The following PRKN variants were observed in gnomAD, a reference collection of about 807,000 sequenced individuals.
PRKN encodes parkin RBR E3 ubiquitin protein ligase.
A neutral mutation model predicts 59.5 loss-of-function variants in PRKN; 56 were observed. That is an observed-to-expected ratio of 0.94 (90% CI 0.76 to 1.18). The LOEUF is 1.18. PRKN is among the 50% of genes most tolerant of loss of function. The pLI, the probability that PRKN is intolerant of heterozygous loss-of-function variation, is 0.00. For synonymous variants in PRKN, 250 were observed against 222.1 expected (o/e 1.13, Z -1.12); for missense variants, 657 against 596.4 (o/e 1.10, Z -1.06).
chr6:162,455,088 A>G (rs1195034993), intron 1 of PRKN, among the ~76,000 whole-genome samples: 1 of 152,194 alleles, frequency 6.6e-6, no homozygotes, highest in Non-Finnish European at 1.5e-5. Context: ...ACCCCTTGGT[A>G]TTGCCAAAGA....
intron 6 of PRKN, among the ~76,000 whole-genome samples, chr6:161,791,245 C>T (rs1277654201): frequency 6.6e-6 from 1 of 152,088 alleles, no homozygotes; most frequent in Non-Finnish European, 1.5e-5. Flanking sequence ...TGATAAAAAG[C>T]GACCCTTTGT....
chr6:161,551,283 G>GGAGGCGCGCTGGC lies in PRKN; in HGVS notation c.934-2293_934-2281dup, dbSNP rs1383055171. ...CCCCAAATGCCAAGGAAGGACCTGG[G>GGAGGCGCGCTGGC]GAGGCGCGCTGGCGACCTGAACGTC... On this transcript the variant is annotated intron_variant, in intron 8 of 11. Transcript: ENST00000366898. The surrounding 1 kb of genome is among the most constrained non-coding windows in gnomAD (Gnocchi z 5.2). Among the ~76,000 whole-genome samples the GGAGGCGCGCTGGC allele has an allele frequency of 6.6e-6, 1 of 152,202 alleles. No individual in the cohort carries two copies. The highest frequency in any genetic ancestry group is 1.5e-5 in the Non-Finnish European group (1 of 68,040).
intron 1 of PRKN, among the ~76,000 whole-genome samples, chr6:162,493,793 C>G (rs1330651692): frequency 6.6e-6 from 1 of 152,186 alleles, no homozygotes; most frequent in Non-Finnish European, 1.5e-5. Context: ...TAACCCCACA[C>G]CATCTCAACG....
chr6:161,473,669 A>G lies in PRKN; in HGVS notation c.1083+75185T>C, dbSNP rs116959048. ...TCTAGAAATGTACTAGAGGACTATAATTATAATATTGTATAATGAAAATTT... is the reference window on the plus strand; with the variant it reads ...TCTAGAAATGTACTAGAGGACTATAGTTATAATATTGTATAATGAAAATTT... On this transcript the variant is annotated intron_variant, in intron 9 of 11. Transcript: ENST00000366898. The surrounding 1 kb of genome is among the most constrained non-coding windows in gnomAD (Gnocchi z 4.1). Among the ~76,000 whole-genome samples, 1,480 of 150,670 alleles carry G rather than the reference A, an allele frequency of 9.8e-3. 20 individuals carry two copies. The highest frequency in any genetic ancestry group is 0.024 in the Middle Eastern group (7 of 292).
chr6:161,479,628 G>C (rs1389321222), intron 9 of PRKN, among the ~76,000 whole-genome samples: 2 of 152,204 alleles, frequency 1.3e-5, no homozygotes, highest in Non-Finnish European at 2.9e-5. Flanking sequence ...GAAGACGACA[G>C]TCAAGGGAAT....
At chr6:161,763,396 T>C (rs116717748) in intron 7 of PRKN, among the ~76,000 whole-genome samples, 1 of 151,388 alleles carries the variant, frequency 6.6e-6, no homozygotes, top group Admixed American at 6.6e-5. Context: ...GACACCCCCA[T>C]CCTTGATAGT....
At chr6:162,021,108 A>C (rs1285347666) in intron 5 of PRKN, among the ~76,000 whole-genome samples, 8 of 92,276 alleles carry the variant, frequency 8.7e-5, no homozygotes, top group Non-Finnish European at 1.8e-4. Context: ...GTCTCAAAAA[A>C]AAAACAAAAA....
chr6:161,796,751 C>A (rs886587823), intron 6 of PRKN, among the ~76,000 whole-genome samples: 1 of 152,052 alleles, frequency 6.6e-6, no homozygotes, highest in Non-Finnish European at 1.5e-5. Context: ...AAGCTCAAGC[C>A]AGATTTAACA....
At chr6:162,501,740 G>T (rs1033487836) in intron 1 of PRKN, among the ~76,000 whole-genome samples, 109 of 152,126 alleles carry the variant, frequency 7.2e-4, no homozygotes, top group African/African-American at 2.5e-3. Context: ...ATCTCAAAAT[G>T]ATGTCAGAGG....
chr6:162,529,208 AT>A (rs1225108048), intron 1 of PRKN, among the ~76,000 whole-genome samples: 1 of 152,014 alleles, frequency 6.6e-6, no homozygotes. Flanking sequence ...ATTTATACTG[AT>A]TAGTTTAATT....
rs1779989977 is a variant in PRKN at position 161,550,926 on chromosome 6, C to G, written c.934-1923G>C. ...CAAATTTTGAAGTCATTAGCCTGAG[C>G]CTCTAATCCATTTTCTCATTCTTCT... On this transcript the variant is annotated intron_variant, in intron 8 of 11. Coordinates refer to ENST00000366898, the MANE Select transcript of PRKN (RefSeq NM_004562.3). The surrounding 1 kb of genome is among the most constrained non-coding windows in gnomAD (Gnocchi z 4.0). 6.6e-6 allele frequency among the ~76,000 whole-genome samples: 1 copy of G among 152,028 alleles called. No individual in the cohort carries two copies. Among genetic ancestry groups the G allele is most frequent in the African/African-American group, 2.4e-5 (1 of 41,372 alleles).
intron 1 of PRKN, among the ~76,000 whole-genome samples, chr6:162,494,450 TC>T (rs942864109): frequency 6.6e-6 from 1 of 152,158 alleles, no homozygotes; most frequent in African/African-American, 2.4e-5. Context: ...CTCCCCCACT[TC>T]ATATCAACCT....
intron 10 of PRKN, among the ~76,000 whole-genome samples, chr6:161,367,500 T>G (rs1172865277): frequency 1.3e-5 from 2 of 151,316 alleles, no homozygotes; most frequent in Non-Finnish European, 2.9e-5. Context: ...AGACAGTATG[T>G]GCTCAAAGGT....
rs796939851 is a variant in PRKN at position 161,851,957 on chromosome 6, C to T, written c.735-66049G>A. The stretch of plus-strand genomic sequence containing the variant: ...CAAAAATTAGCCGGGCGTGGTAGCA[C>T]ACACCTGTGGTCCCAGCTGCTCAAG... On this transcript the variant is annotated intron_variant, in intron 6 of 11. Transcript: ENST00000366898. 5.9e-5 allele frequency among the ~76,000 whole-genome samples: 9 copies of T among 151,332 alleles called. 1 individual carries two copies. The highest frequency in any genetic ancestry group is 2.2e-4 in the African/African-American group (9 of 41,364).
intron 2 of PRKN, among the ~76,000 whole-genome samples, chr6:162,337,909 T>C (rs1255267157): frequency 6.6e-6 from 1 of 152,164 alleles, no homozygotes; most frequent in Non-Finnish European, 1.5e-5. Context: ...TAGCAAAATA[T>C]TGCCATAAAA....
chr6:161,870,952 G>T (rs887480096), intron 6 of PRKN, among the ~76,000 whole-genome samples: 2 of 151,990 alleles, frequency 1.3e-5, no homozygotes, highest in Non-Finnish European at 2.9e-5. Flanking sequence ...AGATTTTCTT[G>T]GGGGATGAAA....
At chr6:162,392,535 T>C (rs1451814774) in intron 2 of PRKN, among the ~76,000 whole-genome samples, 2 of 152,172 alleles carry the variant, frequency 1.3e-5, no homozygotes, top group South Asian at 2.1e-4. Flanking sequence ...ATTCCTGTTA[T>C]GGCAAAAGAT....
chr6:162,045,089 G>C (rs193106808), intron 5 of PRKN, among the ~76,000 whole-genome samples: 1 of 152,232 alleles, frequency 6.6e-6, no homozygotes, highest in African/African-American at 2.4e-5. Flanking sequence ...AGAGATGCTT[G>C]GTAAGCTTTT....
At chr6:162,466,022 A>G (rs1050033104) in intron 1 of PRKN, among the ~76,000 whole-genome samples, 1 of 152,218 alleles carries the variant, frequency 6.6e-6, no homozygotes, top group African/African-American at 2.4e-5. Context: ...AGAAAATATC[A>G]GAACCACCAA....
Sources: allele counts gnomAD v4.1 joint callset (sites outside exome capture counted in the v4.1 genomes callset), GRCh38; gene constraint gnomAD v4.1.1; non-coding constraint Gnocchi (gnomAD v3.1); transcripts MANE v1.5; gene names NCBI Gene and HGNC (gene_info 2026-07-23, HGNC 2026-07-21).